The following FKTN variants were observed in gnomAD, a reference collection of about 807,000 sequenced individuals.
The protein encoded by FKTN is ribitol-5-phosphate transferase FKTN.
Under a neutral mutation model 58.6 loss-of-function variants are expected in FKTN, and 47 were observed. The observed-to-expected ratio is 0.80, with a 90% confidence interval of 0.63 to 1.02. FKTN has a LOEUF of 1.02. Ranked by LOEUF, FKTN falls within the 50% of genes least tolerant of loss-of-function variation. The probability of loss-of-function intolerance (pLI) is 0.00; values close to 1 mark genes in which losing one functional copy is unlikely to be tolerated. For missense variants in FKTN, 516 were observed against 537.3 expected, an observed-to-expected ratio of 0.96 and a Z score of 0.39; for synonymous variants, 178 against 191.9, an observed-to-expected ratio of 0.93 and a Z score of 0.60.
chr9:105,594,695 G>A (rs140614787), intron 3 of FKTN, among the ~76,000 whole-genome samples: 2,115 of 152,264 alleles, frequency 0.014, 26 homozygotes, highest in Middle Eastern at 0.027. Context: ...GCAGTGAGCC[G>A]TGATCACGCC....
intron 10 of FKTN, among the ~76,000 whole-genome samples, chr9:105,620,421 C>T (rs772704054): frequency 2.6e-5 from 4 of 152,120 alleles, no homozygotes; most frequent in Admixed American, 6.5e-5. Context: ...ATTTTCTGAA[C>T]GTAATCATTT....
chr9:105,618,996 TTGCAG>T (rs1443549237), intron 9 of FKTN, among the ~76,000 whole-genome samples: 1 of 151,558 alleles, frequency 6.6e-6, no homozygotes, highest in Non-Finnish European at 1.5e-5. Context: ...GAGGCGGAGC[TTGCAG>T]TGAGCTGAGA....
chr9:105,558,337 TCA>T (rs1380681192), intron 1 of FKTN, among the ~76,000 whole-genome samples, 172 bp downstream of exon 1: 2 of 152,150 alleles, frequency 1.3e-5, no homozygotes, highest in African/African-American at 4.8e-5. Flanking sequence ...TGGGTACTCC[TCA>T]GTCAGTCCAC....
At chr9:105,622,058 G>T (rs1273266393) in intron 10 of FKTN, among the ~76,000 whole-genome samples, 1 of 151,988 alleles carries the variant, frequency 6.6e-6, no homozygotes, top group Non-Finnish European at 1.5e-5. Flanking sequence ...GAGAATATGG[G>T]TTTATTTTTT....
In FKTN at chr9:105,639,147, A is replaced by G; in HGVS notation, c.*3883A>G. The stretch of plus-strand genomic sequence containing the variant: ...AAGTGCCACATTCCCACCTTCTAAC[A>G]GGTAATTATTAGTTGTAATAGCTTT... On this transcript the variant is annotated 3_prime_UTR_variant, in exon 11 of 11. Coordinates refer to ENST00000357998, the MANE Select transcript of FKTN (RefSeq NM_001079802.2). 8 of 985,308 alleles carry G rather than the reference A, an allele frequency of 8.1e-6. No homozygotes were observed. The highest frequency in any genetic ancestry group is 9.6e-6 in the Non-Finnish European group (8 of 829,832). 61.0% of individuals were successfully genotyped at this position (985,308 alleles called of 1,614,324 possible).
chr9:105,628,238 T>A (rs2133352893), intron 10 of FKTN, among the ~76,000 whole-genome samples: 1 of 152,342 alleles, frequency 6.6e-6, no homozygotes, highest in East Asian at 1.9e-4. Context: ...TCGTATTTTC[T>A]GCTCTGTTTA....
chr9:105,619,389 G>A (rs1831444122), intron 9 of FKTN, among the ~76,000 whole-genome samples: 1 of 152,080 alleles, frequency 6.6e-6, no homozygotes, highest in Admixed American at 6.6e-5. Flanking sequence ...TTATTTGTAT[G>A]ATAAGTTTTC....
intron 3 of FKTN, among the ~76,000 whole-genome samples, chr9:105,577,165 T>G (rs1249728881): frequency 1.3e-5 from 2 of 150,580 alleles, no homozygotes; most frequent in African/African-American, 2.5e-5. Context: ...AGAAGCTCTT[T>G]ATTTTAATTA....
chr9:105,633,403 C>G (rs578122449), intron 10 of FKTN: 27 of 152,214 alleles, frequency 1.8e-4, no homozygotes, highest in African/African-American at 6.3e-4. Flanking sequence ...GTTTCCTGGC[C>G]TGTATTACAA....
Position 105,640,091 on chromosome 9 carries a change from T to C in FKTN, c.*4827T>C, listed in dbSNP as rs1368523904. On this transcript the variant is annotated 3_prime_UTR_variant, in exon 11 of 11. Transcript: ENST00000357998. ...TTCTGCCCTCAAATTTCTGTTTCTA[T>C]CTCAACTAGGCAAGAATCAGCAGGG... 1 of 1,535,046 alleles carries C rather than the reference T, an allele frequency of 6.5e-7. No homozygotes were observed. The highest frequency in any genetic ancestry group is 1.4e-5 in the African/African-American group (1 of 73,036).
intron 2 of FKTN, chr9:105,574,217 T>C (rs1186569071): frequency 6.6e-6 from 1 of 151,984 alleles, no homozygotes; most frequent in Non-Finnish European, 1.5e-5. Flanking sequence ...AAAAGACATA[T>C]AAACCTTAGA....
In FKTN at chr9:105,567,401, A is replaced by G. The variant is rs540379333; in HGVS notation, c.-180-6254A>G. Among the ~76,000 whole-genome samples, 913 of 152,324 alleles carry G rather than the reference A, an allele frequency of 6.0e-3. 13 individuals carry two copies. The highest frequency in any genetic ancestry group is 0.02 in the African/African-American group (851 of 41,578). ...CATGATTGTATATCTAGAAAACCCC[A>G]TTGTCTCAGCCCAAAATCTCCTTAA... is the stretch of plus-strand genomic sequence containing the variant. On this transcript the variant is annotated intron_variant, in intron 1 of 10. Coordinates refer to ENST00000357998, the MANE Select transcript of FKTN (RefSeq NM_001079802.2).
At position 105,560,674 on chromosome 9, in the gene FKTN, G is replaced by A. The variant is rs1399645210; in HGVS notation, c.-181+2509G>A. ...ATTCACAATTTAAGTGTTGCACTAA[G>A]TACATGTCACACTCTAAGCCCTGTG... is the stretch of plus-strand genomic sequence containing the variant. On this transcript the variant is annotated intron_variant, in intron 1 of 10. Coordinates refer to ENST00000357998, the MANE Select transcript of FKTN (RefSeq NM_001079802.2). Among the ~76,000 whole-genome samples the A allele has an allele frequency of 2.0e-5, 3 of 152,106 alleles. No homozygotes were observed. The East Asian group carries it at 5.8e-4, about 29-fold the overall frequency.
At chr9:105,570,498 T>TA (rs1207934210) in intron 1 of FKTN, among the ~76,000 whole-genome samples, 1 of 152,178 alleles carries the variant, frequency 6.6e-6, no homozygotes, top group Non-Finnish European at 1.5e-5. Flanking sequence ...CAGTGGTTCT[T>TA]AATTGATGTG....
In FKTN at chr9:105,637,099, C is replaced by A; in HGVS notation, c.*1835C>A. The A allele has an allele frequency of 1.0e-6, 1 of 986,128 alleles. No individual in the cohort carries two copies. Among genetic ancestry groups the A allele is most frequent in the Non-Finnish European group, 1.2e-6 (1 of 829,482 alleles). The allele number at this position is 986,128 out of a possible 1,614,324, so 61.1% of individuals were successfully genotyped here. A position where few individuals can be genotyped will look rare whatever the true frequency, so the allele number is the denominator to read the frequency against. ...AATTCTAAATAGCTGACCCTAAATT[C>A]ATTTTTCATGCTTAAAAATAATAGA... On this transcript the variant is annotated 3_prime_UTR_variant, in exon 11 of 11. Transcript: ENST00000357998.
At chr9:105,567,552 G>T (rs1342301580) in intron 1 of FKTN, among the ~76,000 whole-genome samples, 1 of 152,190 alleles carries the variant, frequency 6.6e-6, no homozygotes, top group East Asian at 1.9e-4. Context: ...TTGCTTCAAA[G>T]AGAATAAAAT....
At chr9:105,618,186 A>G in intron 9 of FKTN, 94 bp downstream of exon 9, 1 of 1,021,250 alleles carries the variant, frequency 9.8e-7, no homozygotes, top group Non-Finnish European at 1.5e-6. Flanking sequence ...AATGCTACAT[A>G]CATAATTTTA....
In FKTN at chr9:105,635,396, G is replaced by A. The variant is rs967473031; in HGVS notation, c.*132G>A. On this transcript the variant is annotated 3_prime_UTR_variant, in exon 11 of 11. Transcript: ENST00000357998. ...TGTGACAAGTTTGAAGACACAGAAA[G>A]AGTCATCTGATGTAATTCTCTCACT... The A allele has an allele frequency of 4.2e-5, 64 of 1,510,922 alleles. No individual in the cohort carries two copies. Among genetic ancestry groups the A allele is most frequent in the Middle Eastern group, 2.2e-4 (1 of 4,494 alleles). 93.6% of individuals were successfully genotyped at this position (1,510,922 alleles called of 1,614,324 possible). A position where few individuals can be genotyped will look rare whatever the true frequency, so the allele number is the denominator to read the frequency against.
intron 3 of FKTN, among the ~76,000 whole-genome samples, chr9:105,578,834 G>T (rs939734762): frequency 6.6e-6 from 1 of 151,770 alleles, no homozygotes; most frequent in African/African-American, 2.4e-5. Flanking sequence ...ATTAATTATT[G>T]CCTCAATTTC....
Sources: allele counts gnomAD v4.1 joint callset (sites outside exome capture counted in the v4.1 genomes callset), GRCh38; gene constraint gnomAD v4.1.1; transcripts MANE v1.5; gene names NCBI Gene and HGNC (gene_info 2026-07-23, HGNC 2026-07-21).